CD9: variants seen among roughly 807,000 people sequenced by gnomAD.
CD9 encodes the protein CD9 molecule.
A neutral mutation model predicts 31.4 loss-of-function variants in CD9; 10 were observed. The observed-to-expected ratio is 0.32, with a 90% confidence interval of 0.20 to 0.54. The LOEUF (loss-of-function observed/expected upper bound fraction) is 0.54, where lower values mean the gene tolerates loss of function less well. Among genes scored for constraint, CD9 ranks in the 20% least tolerant of loss-of-function variants. The pLI is 0.94. For missense variants in CD9, 259 were observed against 300.1 expected (o/e 0.86, Z 1.01); for synonymous variants, 113 against 114.1 (o/e 0.99, Z 0.06).
intron 1 of CD9, among the ~76,000 whole-genome samples, chr12:6,203,510 C>T (rs1013519347): frequency 6.6e-6 from 1 of 152,158 alleles, no homozygotes; most frequent in Non-Finnish European, 1.5e-5. Flanking sequence ...AGGCCAACCT[C>T]AGTGGAGTAG....
In CD9 at chr12:6,210,835, C is replaced by CT. The variant is rs143561091; in HGVS notation, c.66+10290dup. Among the ~76,000 whole-genome samples the CT allele has an allele frequency of 7.0e-3, 918 of 130,882 alleles. 10 individuals are homozygous for CT. Among genetic ancestry groups the CT allele is most frequent in the South Asian group, 0.018 (71 of 3,990 alleles). 85.9% of individuals were successfully genotyped at this position (130,882 alleles called of 152,430 possible). A position where few individuals can be genotyped will look rare whatever the true frequency, so the allele number is the denominator to read the frequency against. ...TTGCCCTGTGATCTCAGTTGAGCAA[C>CT]TTTTTTTTTTTTTTTTTTTTGAGAA... On this transcript the variant is annotated intron_variant, in intron 1 of 7. Transcript: ENST00000009180.
intron 1 of CD9, among the ~76,000 whole-genome samples, chr12:6,223,668 C>T (rs921848947): frequency 2.6e-5 from 4 of 152,092 alleles, no homozygotes; most frequent in Admixed American, 1.3e-4. Context: ...CCCTTGTGTA[C>T]GTGAATTCAA....
chr12:6,228,663 C>T (rs1238285955), intron 2 of CD9, among the ~76,000 whole-genome samples: 2 of 151,920 alleles, frequency 1.3e-5, no homozygotes, highest in Admixed American at 6.6e-5. Flanking sequence ...TAATAATTGT[C>T]GTCCATGGGC....
chr12:6,225,433 G>T lies in CD9; in HGVS notation c.74G>T (p.Gly25Val). 5 of 1,611,606 alleles carry T rather than the reference G, an allele frequency of 3.1e-6. No homozygotes were observed. Among genetic ancestry groups the T allele is most frequent in the Non-Finnish European group, 4.2e-6 (5 of 1,177,774 alleles). ...GTCCTGTATGTCTTGCAGCTTGCCG[G>T]GATTGCTGTCCTTGCCATTGGACTA... ...FGFNFIFWLA[G>V]IAVLAIGLWL... The change falls in exon 2 of 8, where the codon GGG becomes GTG. Residue 25 changes from glycine to valine, a missense_variant. By Grantham distance (109) the Gly-to-Val change is moderately radical (BLOSUM62 -3). Coordinates refer to ENST00000009180, the MANE Select transcript of CD9 (RefSeq NM_001769.4).
rs1056944186 is a variant in CD9 at position 6,200,408 on chromosome 12, G to A, written c.-92G>A. On this transcript the variant is annotated 5_prime_UTR_variant, in exon 1 of 8. Coordinates refer to ENST00000009180, the MANE Select transcript of CD9 (RefSeq NM_001769.4). ...GCCGGAGACCAGCCTACAGCCGCCT[G>A]CATCTGTATCCAGCGCCAGGTCCCG... 3.1e-5 allele frequency: 25 copies of A among 812,430 alleles called. No homozygotes were observed. Among genetic ancestry groups the A allele is most frequent in the Admixed American group, 1.1e-4 (6 of 54,910 alleles). 50.3% of individuals were successfully genotyped at this position (812,430 alleles called of 1,614,324 possible).
chr12:6,231,760 C>T (rs994134001), intron 2 of CD9, among the ~76,000 whole-genome samples: 10 of 152,240 alleles, frequency 6.6e-5, no homozygotes, highest in African/African-American at 2.2e-4. Context: ...TGGTGTCACT[C>T]ATCCTCTCCT....
At chr12:6,224,249 A>G (rs1591973098) in intron 1 of CD9, among the ~76,000 whole-genome samples, 1 of 152,296 alleles carries the variant, frequency 6.6e-6, no homozygotes, top group East Asian at 1.9e-4. Flanking sequence ...GCATCTCACA[A>G]TCCCTGCTTT....
intron 1 of CD9, among the ~76,000 whole-genome samples, chr12:6,204,929 A>G (rs1312681940): frequency 6.6e-6 from 1 of 152,118 alleles, no homozygotes; most frequent in Non-Finnish European, 1.5e-5. Context: ...CCCTGACTCC[A>G]TTTCATGGGT....
intron 1 of CD9, among the ~76,000 whole-genome samples, chr12:6,204,037 C>T (rs1386442999): frequency 1.4e-5 from 2 of 142,552 alleles, no homozygotes; most frequent in East Asian, 2.1e-4. Context: ...GAGGCTGGTG[C>T]GAAACACAGA....
At chr12:6,210,587 T>C (rs1327121910) in intron 1 of CD9, among the ~76,000 whole-genome samples, 2 of 152,164 alleles carry the variant, frequency 1.3e-5, no homozygotes, top group Non-Finnish European at 1.5e-5. Context: ...GCAAGCTGCC[T>C]TCCTTCCGGT....
At chr12:6,200,784 C>G in intron 1 of CD9, 2 of 445,298 alleles carry the variant, frequency 4.5e-6, no homozygotes, top group Non-Finnish European at 7.9e-6. Flanking sequence ...GGGCTCATCA[C>G]CGCCCAGCCG....
chr12:6,235,951 C>T, intron 6 of CD9: 1 of 1,406,146 alleles, frequency 7.1e-7, no homozygotes, highest in Non-Finnish European at 9.2e-7. Flanking sequence ...GACCCCCAAG[C>T]AGGGCCTGTC....
intron 1 of CD9, among the ~76,000 whole-genome samples, chr12:6,211,512 A>G (rs1407165218): frequency 6.6e-6 from 1 of 152,096 alleles, no homozygotes; most frequent in Non-Finnish European, 1.5e-5. Context: ...GAAAACTGTC[A>G]AGGAAGGAGC....
intron 1 of CD9, 84 bp downstream of exon 1, chr12:6,200,649 G>A: frequency 1.1e-6 from 1 of 928,832 alleles, no homozygotes; most frequent in East Asian, 2.6e-5. Context: ...GCGAGTGCCG[G>A]CAGCTGGCAC....
At chr12:6,233,594 C>A in intron 4 of CD9, 108 bp downstream of exon 4, 1 of 854,222 alleles carries the variant, frequency 1.2e-6, no homozygotes, top group Admixed American at 1.9e-5. Context: ...CAGCTGTTGA[C>A]CAGGCCTCTT....
rs1014397437 is a variant in CD9, at chr12:6,236,022, T to C, written c.538-170T>C. 33 of 1,436,872 alleles carry C rather than the reference T, an allele frequency of 2.3e-5. No individual in the cohort carries two copies. The African/African-American group carries it at 4.0e-4, about 17-fold the overall frequency. The allele number at this position is 1,436,872 out of a possible 1,614,324, so 89.0% of individuals were successfully genotyped here. ...GGATCCACTAGCATAGCCATCCCTT[T>C]GTTCCCCTTTCCATCCACCAGCCAG... On this transcript the variant is annotated intron_variant, in intron 6 of 7. Transcript: ENST00000009180.
chr12:6,229,036 A>G (rs1348325829), intron 2 of CD9, among the ~76,000 whole-genome samples: 1 of 152,276 alleles, frequency 6.6e-6, no homozygotes, highest in Non-Finnish European at 1.5e-5. Flanking sequence ...AGTCCAGAGC[A>G]GCTGACAGCC....
intron 1 of CD9, among the ~76,000 whole-genome samples, chr12:6,214,473 A>C (rs1278442549): frequency 6.9e-6 from 1 of 144,854 alleles, no homozygotes; most frequent in Non-Finnish European, 1.5e-5. Context: ...CAGCCCCCCA[A>C]GTAGCTGGAA....
intron 1 of CD9, among the ~76,000 whole-genome samples, chr12:6,211,351 A>G (rs1037641175): frequency 6.6e-6 from 1 of 152,154 alleles, no homozygotes; most frequent in Non-Finnish European, 1.5e-5. Flanking sequence ...GGGCAGGTTG[A>G]TAGGTTAGAC....
Sources: allele counts gnomAD v4.1 joint callset (sites outside exome capture counted in the v4.1 genomes callset), GRCh38; gene constraint gnomAD v4.1.1; transcripts MANE v1.5; gene names NCBI Gene and HGNC (gene_info 2026-07-23, HGNC 2026-07-21).